FHIT: variants seen among roughly 807,000 people sequenced by gnomAD.
The protein encoded by FHIT is bis(5'-adenosyl)-triphosphatase.
In FHIT, 19 loss-of-function variants were observed where a neutral mutation model predicts 17.9. That is an observed-to-expected ratio of 1.06 (90% CI 0.74 to 1.56). The LOEUF (loss-of-function observed/expected upper bound fraction) is 1.56, where lower values mean the gene tolerates loss of function less well. FHIT is among the 40% of genes most tolerant of loss of function. The pLI is 0.00. For missense variants in FHIT, 248 were observed against 189.2 expected, an observed-to-expected ratio of 1.31 and a Z score of -1.82; for synonymous variants, 81 against 69.7, an observed-to-expected ratio of 1.16 and a Z score of -0.81.
intron 5 of FHIT, among the ~76,000 whole-genome samples, chr3:60,129,053 GTT>G (rs72428863): frequency 8.2e-4 from 101 of 123,462 alleles, no homozygotes; most frequent in African/African-American, 2.8e-3. Flanking sequence ...TTTTTTGTTT[GTT>G]TTTTTTTTTT....
intron 5 of FHIT, among the ~76,000 whole-genome samples, chr3:60,218,463 T>C (rs965405801): frequency 6.6e-5 from 10 of 152,166 alleles, no homozygotes; most frequent in Non-Finnish European, 1.5e-4. Context: ...ATGACAAACA[T>C]AGTTTACAGC....
chr3:61,131,111 C>T (rs2036751190), intron 2 of FHIT, among the ~76,000 whole-genome samples: 2 of 152,212 alleles, frequency 1.3e-5, no homozygotes, highest in African/African-American at 4.8e-5. Flanking sequence ...CTCTACTATC[C>T]CTTAGAAGTA....
At chr3:60,690,666 G>A in intron 4 of FHIT, 1 of 494,832 alleles carries the variant, frequency 2.0e-6, no homozygotes, top group South Asian at 1.6e-5. Flanking sequence ...AGGAGACGCA[G>A]CCCAAGGGCT....
chr3:60,110,543 C>T (rs76292036), intron 5 of FHIT, among the ~76,000 whole-genome samples: 7 of 152,128 alleles, frequency 4.6e-5, no homozygotes, highest in South Asian at 2.1e-4. Flanking sequence ...GCCAAGTTTA[C>T]GTAAGTTCAA....
At chr3:59,784,634 C>T (rs1005100877) in intron 8 of FHIT, among the ~76,000 whole-genome samples, 1 of 152,140 alleles carries the variant, frequency 6.6e-6, no homozygotes, top group Non-Finnish European at 1.5e-5. Flanking sequence ...TGTTGAATCA[C>T]ATAGTGATTC....
chr3:60,683,950 G>C (rs1251357510), intron 4 of FHIT, among the ~76,000 whole-genome samples: 1 of 151,946 alleles, frequency 6.6e-6, no homozygotes, highest in Non-Finnish European at 1.5e-5. Context: ...TTGTTTGCTT[G>C]TTTGTTTGTT....
chr3:60,433,539 A>C (rs924621699), intron 5 of FHIT, among the ~76,000 whole-genome samples: 1 of 152,092 alleles, frequency 6.6e-6, no homozygotes, highest in African/African-American at 2.4e-5. Flanking sequence ...CCAACTGTTT[A>C]GAAGGATTCC....
chr3:61,069,503 T>C (rs1340865914), intron 2 of FHIT, among the ~76,000 whole-genome samples: 1 of 152,194 alleles, frequency 6.6e-6, no homozygotes, highest in Admixed American at 6.5e-5. Flanking sequence ...AACCCTGTTT[T>C]CCTGAGTCTA....
intron 5 of FHIT, among the ~76,000 whole-genome samples, chr3:60,190,868 G>A (rs1357661158): frequency 5.3e-5 from 8 of 151,996 alleles, no homozygotes; most frequent in Admixed American, 4.6e-4. Context: ...CCTTGAATCC[G>A]GGAGGTGGAG....
chr3:60,568,367 A>G (rs982438155), intron 4 of FHIT, among the ~76,000 whole-genome samples: 1 of 152,076 alleles, frequency 6.6e-6, no homozygotes, highest in African/African-American at 2.4e-5. Context: ...ACAAAAAACC[A>G]AATACCGCGT....
chr3:60,703,714 A>G (rs1488915263), intron 4 of FHIT, among the ~76,000 whole-genome samples: 2 of 152,152 alleles, frequency 1.3e-5, no homozygotes, highest in African/African-American at 2.4e-5. Flanking sequence ...TTTAAGAACC[A>G]TAGGGAATAT....
intron 5 of FHIT, among the ~76,000 whole-genome samples, chr3:60,409,620 T>C (rs948679289): frequency 4.6e-5 from 7 of 152,220 alleles, no homozygotes; most frequent in Non-Finnish European, 8.8e-5. Context: ...GTCAGTGATC[T>C]AGTTACAGTT....
At chr3:60,706,240 T>A (rs1412057815) in intron 4 of FHIT, among the ~76,000 whole-genome samples, 3 of 124,148 alleles carry the variant, frequency 2.4e-5, no homozygotes, top group Non-Finnish European at 4.9e-5. Context: ...TCGGGGCCTG[T>A]TGGGGGTTTG....
intron 8 of FHIT, among the ~76,000 whole-genome samples, chr3:59,853,989 C>T (rs371046459): frequency 1.6e-4 from 25 of 151,720 alleles, no homozygotes; most frequent in Admixed American, 4.6e-4. Flanking sequence ...AATTAGTCCA[C>T]GTGTAAAAAA....
chr3:60,013,269 C>G (rs541475587), intron 6 of FHIT, among the ~76,000 whole-genome samples: 11 of 152,258 alleles, frequency 7.2e-5, no homozygotes, highest in Admixed American at 5.2e-4. Flanking sequence ...GTACAGAGTC[C>G]TCACATTTTG....
intron 5 of FHIT, among the ~76,000 whole-genome samples, chr3:60,128,291 A>T (rs1427286477): frequency 6.6e-6 from 1 of 152,142 alleles, no homozygotes; most frequent in South Asian, 2.1e-4. Flanking sequence ...CTGTTCCCTC[A>T]TGCTATTCTT....
intron 4 of FHIT, among the ~76,000 whole-genome samples, chr3:60,744,270 A>AC (rs1450004129): frequency 8.9e-5 from 2 of 22,516 alleles, no homozygotes; most frequent in African/African-American, 2.0e-4. Flanking sequence ...AAACAAAACA[A>AC]AAAAAAAAAA....
chr3:59,811,733 T>C (rs572476427), intron 8 of FHIT, among the ~76,000 whole-genome samples: 2 of 152,188 alleles, frequency 1.3e-5, no homozygotes, highest in Non-Finnish European at 2.9e-5. Context: ...GAGAGGAATA[T>C]ATAAGACAGC....
chr3:60,495,463 T>C (rs934126229), intron 5 of FHIT, among the ~76,000 whole-genome samples: 3 of 152,154 alleles, frequency 2.0e-5, no homozygotes, highest in African/African-American at 7.2e-5. Context: ...TAAACAAATA[T>C]GAGTTTTTAC....
Sources: gnomAD v4.1 joint callset for allele counts (sites outside exome capture counted in the v4.1 genomes callset) on GRCh38, gnomAD v4.1.1 for gene constraint, MANE v1.5 for transcripts, NCBI Gene and HGNC (gene_info 2026-07-23, HGNC 2026-07-21) for gene names.